The following CENPU variants were observed in gnomAD, a reference collection of about 807,000 sequenced individuals.
CENPU encodes centromere protein U.
A neutral mutation model predicts 56.7 loss-of-function variants in CENPU; 46 were observed. The ratio of observed to expected loss-of-function variants is 0.81; its 90% CI spans 0.64 to 1.04. The LOEUF (loss-of-function observed/expected upper bound fraction) is 1.04. Among genes scored for constraint, CENPU ranks in the 50% least tolerant of loss-of-function variants. The pLI is 0.00. For missense variants in CENPU, 510 were observed against 490.1 expected, an observed-to-expected ratio of 1.04 and a Z score of -0.38; for synonymous variants, 166 against 163.0, an observed-to-expected ratio of 1.02 and a Z score of -0.14.
chr4:184,721,486 A>G (rs1287289016), intron 4 of CENPU, among the ~76,000 whole-genome samples: 1 of 146,556 alleles, frequency 6.8e-6, no homozygotes, highest in Admixed American at 6.9e-5. Context: ...AAAGGACCCA[A>G]TGATTTGTTG....
At position 184,711,102 on chromosome 4, in the gene CENPU, C is replaced by A. The variant is rs543351085; in HGVS notation, c.689-922G>T. Among the ~76,000 whole-genome samples the A allele has an allele frequency of 9.7e-3, 1,480 of 152,268 alleles. 30 individuals are homozygous for A. Among genetic ancestry groups the A allele is most frequent in the South Asian group, 0.04 (192 of 4,818 alleles). ...GAACTCCTGGGCTCAAGCAATCTCTCACCTCAGCCTCCCAAAGTGCTGGGA... is the reference window on the plus strand; with the variant it reads ...GAACTCCTGGGCTCAAGCAATCTCTAACCTCAGCCTCCCAAAGTGCTGGGA... On this transcript the variant is annotated intron_variant, in intron 7 of 12. Coordinates refer to ENST00000281453, the MANE Select transcript of CENPU (RefSeq NM_024629.4).
At chr4:184,721,456 G>GGAAAAAAA (rs1761271320) in intron 4 of CENPU, among the ~76,000 whole-genome samples, 1 of 5,300 alleles carries the variant, frequency 1.9e-4, no homozygotes, top group African/African-American at 6.3e-4. Flanking sequence ...GTGGCTGATT[G>GGAAAAAAA]TAAAAAAAAA....
rs1394986372 is a variant in CENPU at position 184,724,998 on chromosome 4, C to T, written c.279G>A (p.Leu93=). 2 of 1,613,272 alleles carry T rather than the reference C, an allele frequency of 1.2e-6. No individual in the cohort carries two copies. Among genetic ancestry groups the T allele is most frequent in the South Asian group, 2.2e-5 (2 of 90,964 alleles). ...DEEEFSKHCG[L]SLSSTPPGKE... The stretch of plus-strand genomic sequence containing the variant: ...TTCCTGGAGGAGTTGAAGAGAGAGA[C>T]AGTCCACAATGTTTGGAGAATTCTT... The change falls in exon 4 of 13, where the codon CTG becomes CTA. Residue 93 remains leucine (L), a synonymous_variant. Transcript: ENST00000281453.
intron 4 of CENPU, 91 bp from the exon 5 acceptor site, chr4:184,717,287 C>T: frequency 1.1e-6 from 1 of 934,692 alleles, no homozygotes; most frequent in Non-Finnish European, 1.7e-6. Flanking sequence ...TGAAAACAGA[C>T]TCAATTTAAT....
chr4:184,716,431 A>G lies in CENPU; in HGVS notation c.584T>C (p.Val195Ala). ...TTCTATTGCCAAGTTCTCTTTTTCA[A>G]CAGAGGGCTGGGCACTAAGGGGTCC... is the stretch of plus-strand genomic sequence containing the variant. ...KTGPLSAQPS[V>A]EKENLAIESQ... Residue 195 changes from valine (V) to alanine (A), a missense_variant, in exon 6 of 13, where the codon GTT (valine) becomes GCT (alanine). Physicochemically the swap from Val to Ala is moderately conservative, Grantham distance 64. Transcript: ENST00000281453. 2 of 1,614,054 alleles carry G rather than the reference A, an allele frequency of 1.2e-6. No individual in the cohort carries two copies. The highest frequency in any genetic ancestry group is 8.5e-7 in the Non-Finnish European group (1 of 1,180,000).
chr4:184,701,996 C>G (rs1760549375), intron 10 of CENPU, 93 bp downstream of exon 10: 6 of 789,936 alleles, frequency 7.6e-6, no homozygotes, highest in Non-Finnish European at 1.3e-5. Context: ...TCTACTCACA[C>G]TCTAAAGGCT....
chr4:184,713,198 C>T (rs1442236841), intron 6 of CENPU, among the ~76,000 whole-genome samples, 185 bp from the exon 7 acceptor site: 2 of 152,044 alleles, frequency 1.3e-5, no homozygotes, highest in Non-Finnish European at 2.9e-5. Flanking sequence ...CCAGACCAGC[C>T]TGGCCAACAT....
At chr4:184,695,431 T>C in intron 12 of CENPU, 30 bp from the exon 13 acceptor site, 1 of 1,483,724 alleles carries the variant, frequency 6.7e-7, no homozygotes, top group Non-Finnish European at 9.4e-7. Context: ...TAATTAGCAA[T>C]ATCAAAAACT....
At chr4:184,706,534 T>C (rs544726116) in intron 8 of CENPU, among the ~76,000 whole-genome samples, 60 of 152,172 alleles carry the variant, frequency 3.9e-4, no homozygotes, top group African/African-American at 1.4e-3. Flanking sequence ...ATTCTAAGAG[T>C]TTGTAATGTT....
At chr4:184,703,723 G>C (rs770723486) in intron 8 of CENPU, among the ~76,000 whole-genome samples, 1 of 152,218 alleles carries the variant, frequency 6.6e-6, no homozygotes, top group African/African-American at 2.4e-5. Flanking sequence ...AATGTTTGTA[G>C]CAGCATTATT....
At chr4:184,720,229 G>T (rs1003815318) in intron 4 of CENPU, among the ~76,000 whole-genome samples, 52 of 152,204 alleles carry the variant, frequency 3.4e-4, no homozygotes, top group African/African-American at 1.2e-3. Context: ...GTTGAAAAAT[G>T]TAACGGACAT....
At chr4:184,699,927 G>A (rs542848424) in intron 11 of CENPU, among the ~76,000 whole-genome samples, 32 of 152,310 alleles carry the variant, frequency 2.1e-4, no homozygotes, top group Non-Finnish European at 4.0e-4. Flanking sequence ...AAAGTGCTGG[G>A]ATTACAGGCG....
chr4:184,711,809 T>C (rs1432478508), intron 7 of CENPU, among the ~76,000 whole-genome samples: 1 of 151,926 alleles, frequency 6.6e-6, no homozygotes, highest in Non-Finnish European at 1.5e-5. Context: ...AAAACATACG[T>C]TCGCAAAAAA....
intron 3 of CENPU, among the ~76,000 whole-genome samples, chr4:184,725,312 T>C (rs1761414521): frequency 6.6e-6 from 1 of 152,234 alleles, no homozygotes. Flanking sequence ...CATGGAATTA[T>C]TTTTGGTTTC....
intron 8 of CENPU, among the ~76,000 whole-genome samples, chr4:184,705,597 CTTG>C (rs1281883429): frequency 6.6e-6 from 1 of 151,944 alleles, no homozygotes; most frequent in Non-Finnish European, 1.5e-5. Context: ...AAAGTTGTAA[CTTG>C]TTATTACACA....
chr4:184,708,222 C>CAAAAAAAAAAAAAAAAAAA (rs11322939), intron 8 of CENPU, among the ~76,000 whole-genome samples: 1 of 89,816 alleles, frequency 1.1e-5, no homozygotes, highest in African/African-American at 4.0e-5. Context: ...GACTCCATCT[C>CAAAAAAAAAAAAAAAAAAA]AAAAAAAAAA....
At chr4:184,705,889 G>T (rs748288163) in intron 8 of CENPU, among the ~76,000 whole-genome samples, 8 of 152,194 alleles carry the variant, frequency 5.3e-5, no homozygotes, top group Non-Finnish European at 1.2e-4. Flanking sequence ...TCATTTCCGT[G>T]AAGTATTCGA....
At position 184,711,812 on chromosome 4, in the gene CENPU, G is replaced by A. The variant is rs139648496; in HGVS notation, c.688+1132C>T. ...CCAAGAGAAATGAAAACATACGTTC[G>A]CAAAAAAATGTGTATAAAAATGTTC... On this transcript the variant is annotated intron_variant, in intron 7 of 12. Coordinates refer to ENST00000281453, the MANE Select transcript of CENPU (RefSeq NM_024629.4). Among the ~76,000 whole-genome samples the A allele has an allele frequency of 1.8e-4, 27 of 151,878 alleles. 1 individual carries two copies. The highest frequency in any genetic ancestry group is 1.0e-3 in the South Asian group (5 of 4,822).
Position 184,709,995 on chromosome 4 carries a change from A to G in CENPU, c.797+77T>C, listed in dbSNP as rs1202656421. 8.1e-6 allele frequency: 5 copies of G among 618,290 alleles called. No individual in the cohort carries two copies. The East Asian group carries it at 1.5e-4, about 18-fold the overall frequency. 38.3% of individuals were successfully genotyped at this position (618,290 alleles called of 1,614,324 possible). A position where few individuals can be genotyped will look rare whatever the true frequency, so the allele number is the denominator to read the frequency against. On this transcript the variant is annotated intron_variant, in intron 8 of 12. Coordinates refer to ENST00000281453, the MANE Select transcript of CENPU (RefSeq NM_024629.4). ...ATGACAATGAAAATAGTACATAACA[A>G]AAACTGTAGGATGAGCAAAAATGGT...
Sources: allele counts gnomAD v4.1 joint callset (sites outside exome capture counted in the v4.1 genomes callset), GRCh38; gene constraint gnomAD v4.1.1; transcripts MANE v1.5; gene names NCBI Gene and HGNC (gene_info 2026-07-23, HGNC 2026-07-21).